Variants in VWA2 observed in about 807,000 individuals in gnomAD.
VWA2 encodes the protein von Willebrand factor A domain-containing protein 2.
Under a neutral mutation model 70.4 loss-of-function variants are expected in VWA2, and 73 were observed. The observed-to-expected ratio is 1.04, with a 90% CI of 0.86 to 1.26. The LOEUF (loss-of-function observed/expected upper bound fraction) is 1.26. VWA2 is among the 50% of genes most tolerant of loss of function. The pLI, the probability that VWA2 is intolerant of heterozygous loss-of-function variation, is 0.00. For synonymous variants in VWA2, 407 were observed against 423.3 expected (o/e 0.96, Z 0.47); for missense variants, 1,011 against 998.5 (o/e 1.01, Z -0.17).
intron 6 of VWA2, 26 bp downstream of exon 6, chr10:114,272,960 A>G (rs1443710129): frequency 1.3e-6 from 2 of 1,583,842 alleles, no homozygotes; most frequent in African/African-American, 1.3e-5. Context: ...ACCCTGGATC[A>G]GCCCTCAGGT....
chr10:114,282,676 G>A, intron 9 of VWA2, 105 bp downstream of exon 9: 1 of 981,066 alleles, frequency 1.0e-6, no homozygotes, highest in Non-Finnish European at 1.6e-6. Context: ...GGTTGTGACT[G>A]GCTCCAGGGC....
intron 10 of VWA2, 37 bp from the exon 11 acceptor site, chr10:114,285,902 C>A: frequency 1.3e-6 from 2 of 1,544,970 alleles, no homozygotes; most frequent in South Asian, 1.2e-5. Context: ...GCCGCATGAC[C>A]ATGGCTTGAC....
chr10:114,243,856 C>G (rs796231334), intron 1 of VWA2, among the ~76,000 whole-genome samples: 12 of 152,344 alleles, frequency 7.9e-5, no homozygotes, highest in African/African-American at 2.6e-4. Context: ...CACATGCCTG[C>G]TGTCCCAAGT....
intron 5 of VWA2, among the ~76,000 whole-genome samples, chr10:114,268,166 C>G (rs1185403699): frequency 6.6e-6 from 1 of 151,740 alleles, no homozygotes; most frequent in Non-Finnish European, 1.5e-5. Flanking sequence ...ATATTTGAGC[C>G]CCTCCACCTC....
rs2039669856 is a variant in VWA2, at chr10:114,292,235, C to A, written c.*998C>A. Among the ~76,000 whole-genome samples, 1 of 152,054 alleles carries A rather than the reference C, an allele frequency of 6.6e-6. No homozygotes were observed. Among genetic ancestry groups the A allele is most frequent in the South Asian group, 2.1e-4 (1 of 4,826 alleles). On this transcript the variant is annotated 3_prime_UTR_variant, in exon 14 of 14. Coordinates refer to ENST00000392982, the MANE Select transcript of VWA2 (RefSeq NM_001272046.2). ...GAAGTTACAGTGAGCCGAGATCTCACCACTGCACTCCAGCCTGGGCAACAA... is the reference window on the plus strand; with the variant it reads ...GAAGTTACAGTGAGCCGAGATCTCAACACTGCACTCCAGCCTGGGCAACAA...
chr10:114,276,254 G>T (rs941414087), intron 6 of VWA2, among the ~76,000 whole-genome samples: 1 of 152,098 alleles, frequency 6.6e-6, no homozygotes, highest in Non-Finnish European at 1.5e-5. Context: ...GGGCTGAGTC[G>T]CTGTTGCTCA....
At chr10:114,239,951 G>A (rs1241685932) in intron 1 of VWA2, among the ~76,000 whole-genome samples, 3 of 152,160 alleles carry the variant, frequency 2.0e-5, no homozygotes, top group Admixed American at 2.0e-4. Context: ...CACAGTAGCG[G>A]GGCCCCCTTC....
intron 5 of VWA2, among the ~76,000 whole-genome samples, chr10:114,269,635 T>C (rs1050014601): frequency 1.3e-5 from 2 of 151,814 alleles, no homozygotes; most frequent in African/African-American, 4.8e-5. Context: ...CTGAAGGTGG[T>C]AGATGGAAAG....
In VWA2 at chr10:114,277,915, T is replaced by A. The variant is rs1219798467; in HGVS notation, c.568T>A (p.Trp190Arg). Reference sequence around the variant, plus strand: ...AGCTGTTACAACCCCTTGGCACAGGTGGGAGGAGCTGCATGCACTGGCCAG... The same window carrying A: ...AGCTGTTACAACCCCTTGGCACAGGAGGGAGGAGCTGCATGCACTGGCCAG... ...VFAVGVRFPR[W>R]EELHALASEP... Residue 190 changes from tryptophan to arginine, a missense_variant and splice_region_variant, in exon 7 of 14, where the codon TGG becomes AGG. Trp to Arg is a moderately radical substitution (Grantham distance 101, BLOSUM62 -3). Transcript: ENST00000392982. 6.2e-7 allele frequency: 1 copy of A among 1,605,516 alleles called. No individual in the cohort carries two copies. Among genetic ancestry groups the A allele is most frequent in the African/African-American group, 1.3e-5 (1 of 74,842 alleles).
At chr10:114,251,029 G>T (rs1367698994) in intron 2 of VWA2, among the ~76,000 whole-genome samples, 1 of 152,206 alleles carries the variant, frequency 6.6e-6, no homozygotes, top group Non-Finnish European at 1.5e-5. Context: ...CCCTACTCCT[G>T]GGCTGGCTGT....
chr10:114,261,333 C>A (rs1306713378), intron 5 of VWA2, 38 bp downstream of exon 5: 1 of 1,553,184 alleles, frequency 6.4e-7, no homozygotes, highest in Admixed American at 1.7e-5. Flanking sequence ...TAGGGTGACG[C>A]CAACTGCTCT....
At position 114,291,689 on chromosome 10, in the gene VWA2, C is replaced by T. The variant is rs563149810; in HGVS notation, c.*452C>T. On this transcript the variant is annotated 3_prime_UTR_variant, in exon 14 of 14. Transcript: ENST00000392982. Reference sequence around the variant, plus strand: ...GGCCTTTACTAGAGCATCCTTTGGACGGCGAAGGCCACGGCCTTTCAAGAT... The same window carrying T: ...GGCCTTTACTAGAGCATCCTTTGGATGGCGAAGGCCACGGCCTTTCAAGAT... Among the ~76,000 whole-genome samples the T allele has an allele frequency of 3.9e-5, 6 of 152,324 alleles. No individual in the cohort carries two copies. Among genetic ancestry groups the T allele is most frequent in the South Asian group, 2.1e-4 (1 of 4,828 alleles).
Position 114,289,420 on chromosome 10 carries a change from C to T in VWA2, c.2053C>T (p.Leu685=). 1 of 1,614,234 alleles carries T rather than the reference C, an allele frequency of 6.2e-7. No homozygotes were observed. Among genetic ancestry groups the T allele is most frequent in the Non-Finnish European group, 8.5e-7 (1 of 1,180,042 alleles). ...GAGGCTTGCAGGTCCCCGGGATTCC[C>T]TGATCCACGTGGCAGCTTACGCCGA... ...LRRLAGPRDS[L]IHVAAYADLR... The change falls in exon 12 of 14, where the codon CTG becomes TTG. Residue 685 remains leucine, a synonymous_variant. Transcript: ENST00000392982.
At chr10:114,254,164 T>C (rs1242512450) in intron 3 of VWA2, among the ~76,000 whole-genome samples, 1 of 151,738 alleles carries the variant, frequency 6.6e-6, no homozygotes, top group Non-Finnish European at 1.5e-5. Context: ...CTCAACCTCC[T>C]GGGCTCAAGC....
rs2037069057 is a variant in VWA2, at chr10:114,246,384, C to G, written c.-10-2320C>G. ...GGCGTGGTGGCGCATGCCTGTAATC[C>G]CAGCTACTCAGAAGGCTGAGACAGG... On this transcript the variant is annotated intron_variant, in intron 1 of 13. Transcript: ENST00000392982. 2.9e-5 allele frequency: 17 copies of G among 594,152 alleles called. No individual in the cohort carries two copies. The South Asian group carries it at 3.5e-4, about 12-fold the overall frequency. 36.8% of individuals were successfully genotyped at this position (594,152 alleles called of 1,614,324 possible). A position where few individuals can be genotyped will look rare whatever the true frequency, so the allele number is the denominator to read the frequency against.
At chr10:114,267,558 G>A (rs1048377688) in intron 5 of VWA2, among the ~76,000 whole-genome samples, 4 of 150,040 alleles carry the variant, frequency 2.7e-5, no homozygotes, top group Non-Finnish European at 4.4e-5. Flanking sequence ...TCAGCCTCCC[G>A]ATAGCTGGGA....
In VWA2 at chr10:114,272,851, G is replaced by T. The variant is rs1334630283; in HGVS notation, c.483G>T (p.Lys161Asn). 1 of 1,613,982 alleles carries T rather than the reference G, an allele frequency of 6.2e-7. No homozygotes were observed. Among genetic ancestry groups the T allele is most frequent in the Non-Finnish European group, 8.5e-7 (1 of 1,180,028 alleles). The change falls in exon 6 of 14, where the codon AAG becomes AAT. Residue 161 changes from lysine to asparagine, a missense_variant. Physicochemically the swap from Lys to Asn is moderately conservative, Grantham distance 94 (BLOSUM62 0). Coordinates refer to ENST00000392982, the MANE Select transcript of VWA2 (RefSeq NM_001272046.2). The part of the protein sequence containing the change: ...PQILIIVTDG[K>N]SQGDVALPSK... The stretch of plus-strand genomic sequence containing the variant: ...TCCTCATCATCGTCACTGATGGGAA[G>T]TCCCAGGGGGATGTGGCACTGCCAT...
Position 114,284,915 on chromosome 10 carries a change from A to G in VWA2, c.942A>G (p.Gly314=). The change falls in exon 10 of 14, where the codon GGA becomes GGG. Residue 314 remains glycine, a synonymous_variant. Transcript: ENST00000392982. ...CQNGGTCVPE[G]LDGYQCLCPL... is the part of the protein sequence containing the mutation. ...ATGGAGGCACATGTGTTCCAGAAGGACTGGACGGCTACCAGTGCCTCTGCC... is the reference window on the plus strand; with the variant it reads ...ATGGAGGCACATGTGTTCCAGAAGGGCTGGACGGCTACCAGTGCCTCTGCC... 1 of 1,605,328 alleles carries G rather than the reference A, an allele frequency of 6.2e-7. No individual in the cohort carries two copies. Among genetic ancestry groups the G allele is most frequent in the Admixed American group, 1.7e-5 (1 of 57,992 alleles).
In VWA2 at chr10:114,286,191, G is replaced by C. The variant is rs373658899; in HGVS notation, c.1250G>C (p.Gly417Ala). The C allele has an allele frequency of 1.4e-5, 22 of 1,614,040 alleles. No homozygotes were observed. Among genetic ancestry groups the C allele is most frequent in the Non-Finnish European group, 1.8e-5 (21 of 1,180,000 alleles). ...AGCCTCGATGGCATTCCCTTCCGTG[G>C]TGGCCCCACCCTGACGGGCAGTGCC... ...VWSLDGIPFR[G>A]GPTLTGSALR... Residue 417 changes from glycine to alanine, a missense_variant, in exon 11 of 14, where the codon GGT (glycine) becomes GCT (alanine). Physicochemically the swap from Gly to Ala is moderately conservative, Grantham distance 60. Transcript: ENST00000392982.
Sources: allele counts gnomAD v4.1 joint callset (sites outside exome capture counted in the v4.1 genomes callset), GRCh38; gene constraint gnomAD v4.1.1; transcripts MANE v1.5; gene names NCBI Gene and HGNC (gene_info 2026-07-23, HGNC 2026-07-21).